Variants in EMSY observed in about 807,000 individuals in gnomAD.
EMSY encodes BRCA2-interacting transcriptional repressor EMSY.
EMSY carries 26 observed loss-of-function variants against 134.6 expected under a neutral mutation model. The observed-to-expected ratio is 0.19, with a 90% CI of 0.14 to 0.27. The LOEUF (loss-of-function observed/expected upper bound fraction) is 0.27. EMSY is among the 10% of genes least tolerant of loss of function. The probability of loss-of-function intolerance (pLI) is 1.00; values close to 1 mark genes in which losing one functional copy is unlikely to be tolerated. For synonymous variants in EMSY, 579 were observed against 577.8 expected (o/e 1.00, Z -0.03); for missense variants, 1,305 against 1,611.4 (o/e 0.81, Z 3.26).
chr11:76,495,498 C>T (rs1321412103), intron 8 of EMSY, among the ~76,000 whole-genome samples: 19 of 152,144 alleles, frequency 1.2e-4, no homozygotes. Flanking sequence ...GAAACTCATA[C>T]ATCTTTAGTG....
At chr11:76,470,443 A>G (rs922371639) in intron 7 of EMSY, among the ~76,000 whole-genome samples, 3 of 152,196 alleles carry the variant, frequency 2.0e-5, no homozygotes, top group Non-Finnish European at 4.4e-5. Context: ...AAATAAGCCA[A>G]TACATATTAG....
chr11:76,509,717 G>A (rs1177656847), intron 9 of EMSY, among the ~76,000 whole-genome samples: 1 of 152,182 alleles, frequency 6.6e-6, no homozygotes, highest in African/African-American at 2.4e-5. Flanking sequence ...TGTGTAAAGA[G>A]GGGAGGTATA....
chr11:76,450,874 T>C (rs1565268422), intron 2 of EMSY, among the ~76,000 whole-genome samples: 1 of 150,558 alleles, frequency 6.6e-6, no homozygotes, highest in Non-Finnish European at 1.5e-5. Flanking sequence ...GCTCACTGCA[T>C]CCTTGACTTC....
At chr11:76,537,574 T>C (rs911895833) in intron 15 of EMSY, among the ~76,000 whole-genome samples, 3 of 152,198 alleles carry the variant, frequency 2.0e-5, no homozygotes, top group Non-Finnish European at 2.9e-5. Flanking sequence ...TTTTGTGTTA[T>C]TGTATGTAAG....
intron 8 of EMSY, among the ~76,000 whole-genome samples, chr11:76,478,492 G>A (rs1948852923): frequency 6.6e-6 from 1 of 151,832 alleles, no homozygotes; most frequent in African/African-American, 2.4e-5. Flanking sequence ...ACAGGCGCGT[G>A]CCACCATGCT....
rs771283303 is a variant in EMSY at position 76,545,815 on chromosome 11, A to G, written c.3292A>G (p.Thr1098Ala). The change falls in exon 20 of 21, where the codon ACC becomes GCC. Residue 1098 changes from threonine (T) to alanine (A), a missense_variant. Thr to Ala is a moderately conservative substitution (Grantham distance 58). Around this residue, in one of 7 missense-constraint regions of EMSY, gnomAD observed 664 missense variants for 763.9 expected, o/e 0.87. Coordinates refer to ENST00000334736, the Ensembl canonical transcript of EMSY. Reference sequence around the variant, plus strand: ...TTTTCAGGTGGAGCAGCCAATTATAACCCAAGGATCCTCTGTTACAAAGAT... The same window carrying G: ...TTTTCAGGTGGAGCAGCCAATTATAGCCCAAGGATCCTCTGTTACAAAGAT... The G allele has an allele frequency of 5.6e-6, 9 of 1,607,818 alleles. 1 individual carries two copies. In the South Asian group the frequency reaches 1.0e-4, roughly 18 times the overall value.
chr11:76,522,529 A>C lies in EMSY; in HGVS notation c.1685-626A>C, dbSNP rs1419015733. 3.3e-5 allele frequency among the ~76,000 whole-genome samples: 5 copies of C among 151,238 alleles called. No individual in the cohort carries two copies. The East Asian group carries it at 5.8e-4, about 18-fold the overall frequency. ...ATTACAGGCGCCCGCCGCCACCCCCAGCTAATTTTTTTGTATTTTTAGTAG... is the reference window on the plus strand; with the variant it reads ...ATTACAGGCGCCCGCCGCCACCCCCCGCTAATTTTTTTGTATTTTTAGTAG... On this transcript the variant is annotated intron_variant, in intron 11 of 20. Coordinates refer to ENST00000334736, the Ensembl canonical transcript of EMSY.
Position 76,503,966 on chromosome 11 carries a change from T to G in EMSY, c.1363+7497T>G, listed in dbSNP as rs1949978219. 3.3e-5 allele frequency among the ~76,000 whole-genome samples: 5 copies of G among 151,028 alleles called. No individual in the cohort carries two copies. In the South Asian group the frequency reaches 1.0e-3, roughly 31 times the overall value. ...CGCCCGGCTAATTTTTTTTTTTTTT[T>G]GTAGAGATGGGTTTTCACCATGTTG... On this transcript the variant is annotated intron_variant, in intron 9 of 20. Transcript: ENST00000334736.
At chr11:76,503,023 C>T (rs117515066) in intron 9 of EMSY, among the ~76,000 whole-genome samples, 2,554 of 152,102 alleles carry the variant, frequency 0.017, 47 homozygotes, top group East Asian at 0.093. Flanking sequence ...GCAGGAGCCC[C>T]AGCATGGTGG....
chr11:76,543,454 G>A (rs556856265), intron 18 of EMSY, among the ~76,000 whole-genome samples: 3 of 152,270 alleles, frequency 2.0e-5, no homozygotes, highest in South Asian at 2.1e-4. Context: ...TTTGTTGGGC[G>A]GCAGGTCTCA....
At chr11:76,481,719 A>G (rs1948989679) in intron 8 of EMSY, among the ~76,000 whole-genome samples, 1 of 152,216 alleles carries the variant, frequency 6.6e-6, no homozygotes, top group Admixed American at 6.5e-5. Context: ...TGGGCAGGGC[A>G]TCTCTGAAAG....
Position 76,535,886 on chromosome 11 carries a change from A to G in EMSY, c.2195-9A>G, listed in dbSNP as rs1951206996. The G allele has an allele frequency of 2.0e-6, 3 of 1,484,406 alleles. No homozygotes were observed. The highest frequency in any genetic ancestry group is 4.7e-5 in the Admixed American group (2 of 42,386). 92.0% of individuals were successfully genotyped at this position (1,484,406 alleles called of 1,614,324 possible). Reference sequence around the variant, plus strand: ...TAGGGTTTGTTTTTTTTTAACTAATATAAAACAGATTCCCAGCCTGTAGTT... The same window carrying G: ...TAGGGTTTGTTTTTTTTTAACTAATGTAAAACAGATTCCCAGCCTGTAGTT... On this transcript the variant is annotated splice_polypyrimidine_tract_variant and intron_variant, in intron 14 of 20. Coordinates refer to ENST00000334736, the Ensembl canonical transcript of EMSY.
intron 11 of EMSY, among the ~76,000 whole-genome samples, chr11:76,519,520 G>A (rs1950572057): frequency 1.3e-5 from 2 of 152,168 alleles, no homozygotes; most frequent in African/African-American, 4.8e-5. Flanking sequence ...AGGACGTTAT[G>A]AGAACCTGTG....
intron 8 of EMSY, among the ~76,000 whole-genome samples, chr11:76,494,592 C>T (rs1590888535): frequency 6.6e-6 from 1 of 151,922 alleles, no homozygotes; most frequent in Non-Finnish European, 1.5e-5. Context: ...TGGAAGTAAG[C>T]CTTCCAGGTG....
At chr11:76,531,064 C>G (rs957760433) in intron 14 of EMSY, among the ~76,000 whole-genome samples, 6 of 152,062 alleles carry the variant, frequency 3.9e-5, no homozygotes, top group African/African-American at 1.4e-4. Flanking sequence ...TCTCTGCCCC[C>G]CTTCTGCTGT....
At chr11:76,531,596 C>T (rs1294199298) in intron 14 of EMSY, among the ~76,000 whole-genome samples, 1 of 152,074 alleles carries the variant, frequency 6.6e-6, no homozygotes, top group Admixed American at 6.5e-5. Context: ...ACATTGATCA[C>T]TTGGTTAAGA....
At chr11:76,465,639 A>G (rs1056575452) in intron 7 of EMSY, among the ~76,000 whole-genome samples, 2 of 147,778 alleles carry the variant, frequency 1.4e-5, no homozygotes, top group African/African-American at 2.5e-5. Context: ...TCATAGAAGC[A>G]TTGTATTCTC....
intron 12 of EMSY, among the ~76,000 whole-genome samples, chr11:76,523,704 C>CTTTTTTTTTTTTTTTTTTTTTT (rs746491659): frequency 2.4e-4 from 19 of 80,536 alleles, no homozygotes; most frequent in African/African-American, 4.1e-4. Flanking sequence ...TTGTTACTTT[C>CTTTTTTTTTTTTTTTTTTTTTT]TTTTTTTTTT....
chr11:76,544,815 C>A (rs1409717258), exon 19 of EMSY: 1 of 1,613,118 alleles, frequency 6.2e-7, no homozygotes, highest in Admixed American at 1.7e-5. Flanking sequence ...AAACAGACGG[C>A]AAGCCAGGTA....
Sources: gnomAD v4.1 joint callset for allele counts (sites outside exome capture counted in the v4.1 genomes callset) on GRCh38, gnomAD v4.1.1 for gene constraint, gnomAD v4.1.1 regional missense constraint, MANE v1.5 for transcripts, NCBI Gene and HGNC (gene_info 2026-07-23, HGNC 2026-07-21) for gene names.